EMCN: variants seen among roughly 807,000 people sequenced by gnomAD.
The protein encoded by EMCN is endomucin, also known as MUC-14.
A neutral mutation model predicts 38.4 loss-of-function variants in EMCN; 37 were observed. The ratio of observed to expected loss-of-function variants is 0.96; its 90% confidence interval spans 0.74 to 1.27. The LOEUF (loss-of-function observed/expected upper bound fraction) is 1.27. Among genes scored for constraint, EMCN ranks in the 50% most tolerant of loss-of-function variants. The probability of loss-of-function intolerance (pLI) is 0.00; values close to 1 mark genes in which losing one functional copy is unlikely to be tolerated. For missense variants in EMCN, 318 were observed against 302.8 expected, an observed-to-expected ratio of 1.05 and a Z score of -0.37; for synonymous variants, 95 against 100.8, an observed-to-expected ratio of 0.94 and a Z score of 0.35.
chr4:100,467,401 G>A (rs1010795928), intron 3 of EMCN, among the ~76,000 whole-genome samples: 15 of 152,192 alleles, frequency 9.9e-5, no homozygotes, highest in South Asian at 4.2e-4. Context: ...AGAATCGGCC[G>A]GGCGCGGTGG....
chr4:100,510,785 G>A (rs1052902648), intron 1 of EMCN, among the ~76,000 whole-genome samples: 2 of 152,182 alleles, frequency 1.3e-5, no homozygotes, highest in African/African-American at 2.4e-5. Context: ...GTCTCCAGAA[G>A]CATTATAAAC....
chr4:100,435,446 C>G (rs543868639), intron 5 of EMCN, among the ~76,000 whole-genome samples: 2 of 152,272 alleles, frequency 1.3e-5, no homozygotes, highest in East Asian at 3.9e-4. Context: ...AATGGCCATA[C>G]TGCCCAAAGT....
Position 100,441,853 on chromosome 4 carries a change from A to G in EMCN, c.415+5680T>C, listed in dbSNP as rs191080624. On this transcript the variant is annotated intron_variant, in intron 5 of 11. Transcript: ENST00000296420. ...ATTGTATATTTATTAACAACTTGTT[A>G]TACGTTTAGTTATTTTTGACCATTT... Among the ~76,000 whole-genome samples the G allele has an allele frequency of 2.7e-4, 41 of 152,304 alleles. No individual in the cohort carries two copies. In the East Asian group the frequency reaches 7.5e-3, roughly 28 times the overall value.
intron 4 of EMCN, among the ~76,000 whole-genome samples, chr4:100,464,056 G>T (rs1238785160): frequency 6.6e-6 from 1 of 151,790 alleles, no homozygotes; most frequent in Non-Finnish European, 1.5e-5. Flanking sequence ...AACATGTAAT[G>T]TATCTTTAGA....
rs765467506 is a variant in EMCN at position 100,415,938 on chromosome 4, G to T, written c.711C>A (p.Ser237Arg). 7 of 1,589,296 alleles carry T rather than the reference G, an allele frequency of 4.4e-6. No homozygotes were observed. Among genetic ancestry groups the T allele is most frequent in the East Asian group, 2.3e-5 (1 of 43,338 alleles). Residue 237 changes from serine to arginine, a missense_variant, in exon 10 of 12, where the codon AGC (serine) becomes AGA (arginine). Coordinates refer to ENST00000296420, the MANE Select transcript of EMCN (RefSeq NM_016242.4). ...TTGTCTTAACGGTAAGAAGCTTCAC[G>T]CTCTCTTTATCAGACTGAGGTCTAT... ...GNDQPQSDKE[S>R]VKLLTVKTIS...
chr4:100,473,363 G>A (rs1412970879), intron 3 of EMCN, among the ~76,000 whole-genome samples: 2 of 36,002 alleles, frequency 5.6e-5, no homozygotes, highest in African/African-American at 1.2e-4. Flanking sequence ...TTCCCGTTTC[G>A]TGTTTTTTTG....
intron 4 of EMCN, among the ~76,000 whole-genome samples, chr4:100,452,393 A>G (rs560152564): frequency 7.9e-5 from 12 of 152,174 alleles, no homozygotes; most frequent in African/African-American, 2.9e-4. Context: ...CTAATATTGT[A>G]TTCACTGTGG....
At chr4:100,446,161 C>T in intron 5 of EMCN, 1 of 985,358 alleles carries the variant, frequency 1.0e-6, no homozygotes, top group Non-Finnish European at 1.2e-6. Flanking sequence ...AAAATCTCTT[C>T]CCAGAACTGC....
chr4:100,493,663 T>G (rs1729141475), intron 1 of EMCN, among the ~76,000 whole-genome samples: 1 of 152,260 alleles, frequency 6.6e-6, no homozygotes. Context: ...GCATTTTATT[T>G]GTTTCCTCAA....
At position 100,423,337 on chromosome 4, in the gene EMCN, A is replaced by C. The variant is rs1210585451; in HGVS notation, c.483T>G (p.Ile161Met). ...TGTLTSIPVT[I>M]PENTSQSQVI... is the part of the protein sequence containing the mutation. ...CTTGAGACTGTGAGGTGTTTTCTGG[A>C]ATTGTAACTGGTATTGAGGTTAATG... The change falls in exon 6 of 12, where the codon ATT becomes ATG. Residue 161 changes from isoleucine (I) to methionine (M), a missense_variant. Ile to Met is a conservative substitution (Grantham distance 10, BLOSUM62 1). Coordinates refer to ENST00000296420, the MANE Select transcript of EMCN (RefSeq NM_016242.4). 1 of 1,612,834 alleles carries C rather than the reference A, an allele frequency of 6.2e-7. No individual in the cohort carries two copies. The highest frequency in any genetic ancestry group is 8.5e-7 in the Non-Finnish European group (1 of 1,179,218).
rs568054229 is a variant in EMCN at position 100,458,229 on chromosome 4, C to G, written c.376+7194G>C. Among the ~76,000 whole-genome samples the G allele has an allele frequency of 7.9e-5, 12 of 152,066 alleles. No homozygotes were observed. In the South Asian group the frequency reaches 2.5e-3, roughly 32 times the overall value. On this transcript the variant is annotated intron_variant, in intron 4 of 11. Transcript: ENST00000296420. ...TTTAATGAGGCCATCTGGACCTGAGCTTTTCTTTGTTGGGAGGTTTATTTT... is the reference window on the plus strand; with the variant it reads ...TTTAATGAGGCCATCTGGACCTGAGGTTTTCTTTGTTGGGAGGTTTATTTT...
chr4:100,437,043 G>A (rs1727372832), intron 5 of EMCN, among the ~76,000 whole-genome samples: 1 of 151,892 alleles, frequency 6.6e-6, no homozygotes, highest in African/African-American at 2.4e-5. Flanking sequence ...AATGAAAGTT[G>A]GGGGAAAAAA....
intron 3 of EMCN, among the ~76,000 whole-genome samples, chr4:100,472,568 C>A (rs983941917): frequency 1.3e-5 from 2 of 152,132 alleles, no homozygotes; most frequent in Admixed American, 6.5e-5. Context: ...AATGCAATCC[C>A]TATCACAATC....
chr4:100,422,717 T>A (rs149188798), intron 7 of EMCN, among the ~76,000 whole-genome samples: 1 of 151,926 alleles, frequency 6.6e-6, no homozygotes, highest in African/African-American at 2.4e-5. Context: ...TCCCATCGAG[T>A]CATCCTTGGC....
intron 5 of EMCN, among the ~76,000 whole-genome samples, chr4:100,431,079 G>A (rs1410578814): frequency 6.6e-6 from 1 of 152,172 alleles, no homozygotes; most frequent in African/African-American, 2.4e-5. Flanking sequence ...GTCAAACACA[G>A]TGAATATGCT....
intron 4 of EMCN, among the ~76,000 whole-genome samples, chr4:100,454,990 G>A (rs1727969596): frequency 6.6e-6 from 1 of 151,960 alleles, no homozygotes; most frequent in South Asian, 2.1e-4. Context: ...TTTTTATCCA[G>A]TTTAACAATC....
At chr4:100,423,651 C>T (rs964839083) in intron 5 of EMCN, among the ~76,000 whole-genome samples, 1 of 152,070 alleles carries the variant, frequency 6.6e-6, no homozygotes, top group Admixed American at 6.6e-5. Context: ...AAGAAAACTT[C>T]AGTAAGTTTT....
chr4:100,456,504 G>C (rs1226657931), intron 4 of EMCN, among the ~76,000 whole-genome samples: 2 of 151,928 alleles, frequency 1.3e-5, no homozygotes, highest in Non-Finnish European at 1.5e-5. Context: ...TAATTATATT[G>C]CCAGTTTTGG....
At chr4:100,437,165 T>C (rs1417634619) in intron 5 of EMCN, among the ~76,000 whole-genome samples, 1 of 152,186 alleles carries the variant, frequency 6.6e-6, no homozygotes, top group African/African-American at 2.4e-5. Context: ...GATTTATATT[T>C]CCCTGATGAT....
Sources: gnomAD v4.1 joint callset for allele counts (sites outside exome capture counted in the v4.1 genomes callset) on GRCh38, gnomAD v4.1.1 for gene constraint, MANE v1.5 for transcripts, NCBI Gene and HGNC (gene_info 2026-07-23, HGNC 2026-07-21) for gene names.